The following MTTP variants were observed in gnomAD, a reference collection of about 807,000 sequenced individuals.
MTTP encodes the protein microsomal triglyceride transfer protein.
A neutral mutation model predicts 90.6 loss-of-function variants in MTTP; 49 were observed. The ratio of observed to expected loss-of-function variants is 0.54; its 90% CI spans 0.43 to 0.69. The LOEUF is 0.69. Among genes scored for constraint, MTTP ranks in the 30% least tolerant of loss-of-function variants. MTTP has a pLI of 0.00. For missense variants in MTTP, 945 were observed against 1,067.5 expected, an observed-to-expected ratio of 0.89 and a Z score of 1.60; for synonymous variants, 347 against 384.2, an observed-to-expected ratio of 0.90 and a Z score of 1.13.
chr4:99,595,391 C>T (rs1725529984), intron 7 of MTTP: 1 of 175,684 alleles, frequency 5.7e-6, no homozygotes, highest in African/African-American at 2.4e-5. Flanking sequence ...TATCTCATCC[C>T]CAGGGCAAAG....
chr4:99,569,345 G>A (rs1724781990), intron 1 of MTTP, among the ~76,000 whole-genome samples: 1 of 152,036 alleles, frequency 6.6e-6, no homozygotes, highest in Admixed American at 6.6e-5. Flanking sequence ...AGAACTAAAT[G>A]TAATGTACCC....
At chr4:99,598,793 A>G (rs952056615) in intron 8 of MTTP, among the ~76,000 whole-genome samples, 3 of 150,872 alleles carry the variant, frequency 2.0e-5, no homozygotes, top group Non-Finnish European at 4.4e-5. Flanking sequence ...CCTCCCGAAT[A>G]GCTGGGATTA....
intron 1 of MTTP, among the ~76,000 whole-genome samples, chr4:99,581,288 G>A (rs1391112814): frequency 6.6e-6 from 1 of 152,130 alleles, no homozygotes; most frequent in East Asian, 1.9e-4. Flanking sequence ...CTTTAAGCCT[G>A]TACTAAGATT....
chr4:99,612,870 G>T (rs1725993918), intron 14 of MTTP, 43 bp from the exon 15 acceptor site: 4 of 1,538,750 alleles, frequency 2.6e-6, no homozygotes, highest in Non-Finnish European at 2.7e-6. Context: ...TTACAGAGCA[G>T]GCAGGGAGCT....
Position 99,621,056 on chromosome 4 carries a change from T to G in MTTP, c.2343-5T>G, listed in dbSNP as rs1190087940. ...AAGTTTTTTCTTTTTTTCTCAAATG[T>G]TTAGGGTGACTGTGGTAATAACCAC... On this transcript the variant is annotated splice_polypyrimidine_tract_variant and splice_region_variant and intron_variant, in intron 16 of 17. Transcript: ENST00000265517. 1 of 1,613,846 alleles carries G rather than the reference T, an allele frequency of 6.2e-7. No homozygotes were observed. Among genetic ancestry groups the G allele is most frequent in the East Asian group, 2.2e-5 (1 of 44,886 alleles).
At chr4:99,565,147 C>T (rs1724642089) in intron 1 of MTTP, among the ~76,000 whole-genome samples, 1 of 152,182 alleles carries the variant, frequency 6.6e-6, no homozygotes, top group Non-Finnish European at 1.5e-5. Context: ...TAGCCCTTCA[C>T]ATGTAGGTCA....
chr4:99,583,833 G>A, intron 3 of MTTP: 1 of 493,074 alleles, frequency 2.0e-6, no homozygotes, highest in Non-Finnish European at 3.6e-6. Flanking sequence ...CAAACGTAAT[G>A]TAACAAAGCA....
chr4:99,581,722 T>G (rs1178370877), intron 1 of MTTP, among the ~76,000 whole-genome samples, 183 bp from the exon 2 acceptor site: 1 of 152,166 alleles, frequency 6.6e-6, no homozygotes, highest in Non-Finnish European at 1.5e-5. Flanking sequence ...TATTTGTTTG[T>G]TTTTTGTTTG....
chr4:99,576,676 C>A (rs1304488264), intron 1 of MTTP, among the ~76,000 whole-genome samples: 1 of 106,718 alleles, frequency 9.4e-6, no homozygotes, highest in Non-Finnish European at 1.7e-5. Context: ...GCCTGGGCGA[C>A]AGAGCGAGAC....
At position 99,589,741 on chromosome 4, in the gene MTTP, C is replaced by T. The variant is rs2110217156; in HGVS notation, c.492C>T (p.Thr164=). Residue 164 remains threonine (T), a synonymous_variant, in exon 4 of 18, where the codon ACC becomes ACT. Coordinates refer to ENST00000265517, the MANE Select transcript of MTTP (RefSeq NM_001386140.1). ...SLFQTQLSSG[T]TNEVDISGNC... is the part of the protein sequence containing the mutation. ...TTCAGACACAGTTAAGCTCTGGAAC[C>T]ACCAATGAGGTACTTACCAATATTA... 6.4e-7 allele frequency: 1 copy of T among 1,570,474 alleles called. No individual in the cohort carries two copies. The highest frequency in any genetic ancestry group is 8.8e-7 in the Non-Finnish European group (1 of 1,141,584).
chr4:99,570,603 C>T (rs190686633), upstream of MTTP: 23 of 434,296 alleles, frequency 5.3e-5, no homozygotes, highest in Admixed American at 5.5e-4. Context: ...ATGTCTTAAT[C>T]TCCAGAACCT....
intron 6 of MTTP, among the ~76,000 whole-genome samples, chr4:99,593,429 T>C (rs1725478178): frequency 6.6e-6 from 1 of 152,146 alleles, no homozygotes; most frequent in Non-Finnish European, 1.5e-5. Flanking sequence ...AAAAGTTCCG[T>C]AGTGAAGAGA....
At position 99,581,967 on chromosome 4, in the gene MTTP, GTTC is replaced by G. The variant is rs1333549342; in HGVS notation, c.130_132del (p.Leu44del). The G allele has an allele frequency of 2.5e-6, 4 of 1,614,182 alleles. No homozygotes were observed. The highest frequency in any genetic ancestry group is 3.4e-6 in the Non-Finnish European group (4 of 1,180,018). On this transcript the variant is annotated inframe_deletion, in exon 2 of 18. Transcript: ENST00000265517. ...GTACAAGCTCACGTACTCCACTGAA[GTTC>G]TTCTTGATCGGGGCAAAGGAAAACT... is the stretch of plus-strand genomic sequence containing the variant.
At chr4:99,589,497 A>G (rs1578239641) in intron 3 of MTTP, 146 bp from the exon 4 acceptor site, 1 of 656,566 alleles carries the variant, frequency 1.5e-6, no homozygotes, top group Non-Finnish European at 2.8e-6. Context: ...TTCTTTTCAC[A>G]AAAAGGAAAT....
chr4:99,622,357 G>A (rs1218291610), intron 17 of MTTP, among the ~76,000 whole-genome samples: 2 of 152,162 alleles, frequency 1.3e-5, no homozygotes, highest in African/African-American at 2.4e-5. Context: ...CTCCCAAGGT[G>A]GGGCTTCTGG....
intron 15 of MTTP, among the ~76,000 whole-genome samples, chr4:99,616,144 A>G (rs540935594): frequency 6.6e-6 from 1 of 152,354 alleles, no homozygotes; most frequent in South Asian, 2.1e-4. Flanking sequence ...CTGTAATCCC[A>G]GCACTTTGGG....
At chr4:99,566,112 AC>A (rs1179313612) in intron 1 of MTTP, among the ~76,000 whole-genome samples, 1 of 151,730 alleles carries the variant, frequency 6.6e-6, no homozygotes, top group Non-Finnish European at 1.5e-5. Flanking sequence ...AAACAGTGAA[AC>A]CCCGTCTCTG....
At chr4:99,621,539 A>T (rs182197514) in intron 17 of MTTP, among the ~76,000 whole-genome samples, 142 of 152,172 alleles carry the variant, frequency 9.3e-4, no homozygotes, top group African/African-American at 3.2e-3. Flanking sequence ...ATAGTTTCAT[A>T]AAAAAAATCA....
At chr4:99,588,726 T>TAC (rs757613738) in intron 3 of MTTP, among the ~76,000 whole-genome samples, 31 of 108,166 alleles carry the variant, frequency 2.9e-4, no homozygotes, top group South Asian at 1.3e-3. Flanking sequence ...TTCATATATA[T>TAC]ACACACATAT....
Sources: allele counts gnomAD v4.1 joint callset (sites outside exome capture counted in the v4.1 genomes callset), GRCh38; gene constraint gnomAD v4.1.1; transcripts MANE v1.5; gene names NCBI Gene and HGNC (gene_info 2026-07-23, HGNC 2026-07-21).